Variants in AK4 observed in about 807,000 individuals in gnomAD.
AK4 encodes the protein adenylate kinase 4, mitochondrial.
Under a neutral mutation model 24.6 loss-of-function variants are expected in AK4, and 13 were observed. That is an observed-to-expected ratio of 0.53 (90% CI 0.34 to 0.84). The LOEUF is 0.84. AK4 is among the 40% of genes least tolerant of loss of function. The pLI is 0.01. For synonymous variants in AK4, 88 were observed against 107.0 expected (o/e 0.82, Z 1.10); for missense variants, 192 against 288.2 (o/e 0.67, Z 2.42).
upstream of AK4, chr1:65,148,138 T>TGGGGGCGAGGAGGTGGAG (rs1649627304): frequency 8.4e-6 from 5 of 594,436 alleles, no homozygotes; most frequent in Admixed American, 7.2e-5. Flanking sequence ...CAGCTTTGCG[T>TGGGGGCGAGGAGGTGGAG]GGGGGCGAGG....
At chr1:65,167,345 A>G (rs1002729112) in intron 1 of AK4, among the ~76,000 whole-genome samples, 4 of 152,320 alleles carry the variant, frequency 2.6e-5, no homozygotes, top group East Asian at 1.9e-4. Context: ...AATGTAGTCT[A>G]CAAGAGAGCT....
In AK4 at chr1:65,182,085, T is replaced by C. The variant is rs144049095; in HGVS notation, c.146-8625T>C. 2.0e-3 allele frequency among the ~76,000 whole-genome samples: 306 copies of C among 152,190 alleles called. 2 individuals are homozygous for C. The highest frequency in any genetic ancestry group is 0.016 in the Admixed American group (249 of 15,284). On this transcript the variant is annotated intron_variant, in intron 1 of 4. Transcript: ENST00000327299. ...TGTGTGCCACCACGCCTGACTAATT[T>C]TACATTTTTTATAGAGATGGGGTCT...
chr1:65,177,529 C>T (rs947862574), intron 1 of AK4, among the ~76,000 whole-genome samples: 1 of 152,150 alleles, frequency 6.6e-6, no homozygotes, highest in African/African-American at 2.4e-5. Context: ...GAGGTGACTT[C>T]CGCGTACCTA....
At chr1:65,159,969 C>CAAAAA (rs951802334) in intron 1 of AK4, among the ~76,000 whole-genome samples, 21 of 63,338 alleles carry the variant, frequency 3.3e-4, no homozygotes, top group African/African-American at 1.1e-3. Flanking sequence ...ACTATGTCTC[C>CAAAAA]AAAAAAAAAA....
chr1:65,166,623 A>G (rs1650338825), intron 1 of AK4, among the ~76,000 whole-genome samples: 2 of 152,122 alleles, frequency 1.3e-5, no homozygotes, highest in African/African-American at 2.4e-5. Flanking sequence ...CCCAGACTCT[A>G]GCAATCCTCC....
chr1:65,212,804 T>A (rs1023832831), intron 2 of AK4, among the ~76,000 whole-genome samples: 2 of 152,220 alleles, frequency 1.3e-5, no homozygotes, highest in African/African-American at 4.8e-5. Context: ...CCAGATGTCA[T>A]ATGCATTGTG....
At chr1:65,174,068 C>G (rs1371634511) in intron 1 of AK4, among the ~76,000 whole-genome samples, 1 of 152,130 alleles carries the variant, frequency 6.6e-6, no homozygotes. Flanking sequence ...GCTCTTTTCC[C>G]TTCTGGAGAG....
At chr1:65,162,871 A>G (rs1315711917) in intron 1 of AK4, among the ~76,000 whole-genome samples, 1 of 152,072 alleles carries the variant, frequency 6.6e-6, no homozygotes, top group African/African-American at 2.4e-5. Flanking sequence ...GGATTTGCCT[A>G]TTCTGGATAG....
chr1:65,212,567 C>T (rs1652004087), intron 2 of AK4, among the ~76,000 whole-genome samples: 1 of 152,124 alleles, frequency 6.6e-6, no homozygotes, highest in South Asian at 2.1e-4. Context: ...CAGCTCACTG[C>T]AGCCTCAACC....
chr1:65,199,577 T>G (rs936801491), intron 2 of AK4, among the ~76,000 whole-genome samples: 1 of 151,946 alleles, frequency 6.6e-6, no homozygotes, highest in Non-Finnish European at 1.5e-5. Flanking sequence ...AAAAAAAAAT[T>G]TGTAACCAGA....
intron 2 of AK4, among the ~76,000 whole-genome samples, chr1:65,213,354 G>A (rs150852956): frequency 0.019 from 2,873 of 152,256 alleles, 35 homozygotes; most frequent in Non-Finnish European, 0.029. Context: ...AGTGGAAGGA[G>A]GCTTATGGAA....
chr1:65,177,146 C>T (rs1650744813), intron 1 of AK4, among the ~76,000 whole-genome samples: 1 of 152,134 alleles, frequency 6.6e-6, no homozygotes. Flanking sequence ...ATAATTGCCG[C>T]TATCATGAGC....
chr1:65,168,145 CTTTTTTTT>C (rs3051710), intron 1 of AK4, among the ~76,000 whole-genome samples: 1 of 125,274 alleles, frequency 8.0e-6, no homozygotes, highest in Admixed American at 8.7e-5. Flanking sequence ...TCTGCATATT[CTTTTTTTT>C]TTTTTTTTTT....
At chr1:65,203,101 A>T (rs993107293) in intron 2 of AK4, among the ~76,000 whole-genome samples, 1 of 151,946 alleles carries the variant, frequency 6.6e-6, no homozygotes. Context: ...TTGAACTCCT[A>T]TCCTCAAGCA....
intron 1 of AK4, among the ~76,000 whole-genome samples, chr1:65,153,780 C>T (rs184804248): frequency 1.6e-4 from 25 of 152,072 alleles, no homozygotes; most frequent in Admixed American, 4.6e-4. Flanking sequence ...TCATTCATAC[C>T]GTAAACAATG....
intron 2 of AK4, among the ~76,000 whole-genome samples, chr1:65,191,922 A>C (rs1004445048): frequency 6.6e-6 from 1 of 152,314 alleles, no homozygotes; most frequent in East Asian, 1.9e-4. Flanking sequence ...GGCACCATTC[A>C]TAAGAGAGTG....
intron 1 of AK4, among the ~76,000 whole-genome samples, chr1:65,173,087 T>G (rs1650594441): frequency 6.6e-6 from 1 of 152,214 alleles, no homozygotes; most frequent in East Asian, 1.9e-4. Flanking sequence ...TGGTCTTGAA[T>G]GCCTGACCTC....
At position 65,196,399 on chromosome 1, in the gene AK4, G is replaced by A. The variant is rs1350257319; in HGVS notation, c.265+5570G>A. The stretch of plus-strand genomic sequence containing the variant: ...CTGTGGTTTGGTCAGCTTTGCTCTT[G>A]CTAAAAAAAAAGTTCAGCACTACCT... On this transcript the variant is annotated intron_variant, in intron 2 of 4. Coordinates refer to ENST00000327299, the MANE Select transcript of AK4 (RefSeq NM_013410.4). Among the ~76,000 whole-genome samples the A allele has an allele frequency of 7.2e-5, 11 of 151,960 alleles. 1 individual carries two copies. The South Asian group carries it at 2.3e-3, about 32-fold the overall frequency.
rs1652465106 is a variant in AK4, at chr1:65,226,437, T to G, written c.*260T>G. ...GCCCATCACAAGAAAGCAAGTACAG[T>G]GTGGATTTCAAATGGTGTGTAACTT... is the stretch of plus-strand genomic sequence containing the variant. On this transcript the variant is annotated 3_prime_UTR_variant, in exon 5 of 5. Coordinates refer to ENST00000327299, the MANE Select transcript of AK4 (RefSeq NM_013410.4). The G allele has an allele frequency of 5.7e-6, 2 of 353,114 alleles. No individual in the cohort carries two copies. Among genetic ancestry groups the G allele is most frequent in the South Asian group, 1.5e-4 (2 of 13,172 alleles). The allele number at this position is 353,114 out of a possible 1,614,324, so 21.9% of individuals were successfully genotyped here.
Sources: gnomAD v4.1 joint callset for allele counts (sites outside exome capture counted in the v4.1 genomes callset) on GRCh38, gnomAD v4.1.1 for gene constraint, MANE v1.5 for transcripts, NCBI Gene and HGNC (gene_info 2026-07-23, HGNC 2026-07-21) for gene names.